TRIM41: variants seen among roughly 807,000 people sequenced by gnomAD.
The protein encoded by TRIM41 is E3 ubiquitin-protein ligase TRIM41.
Under a neutral mutation model 60.6 loss-of-function variants are expected in TRIM41, and 21 were observed. The observed-to-expected ratio is 0.35, with a 90% CI of 0.25 to 0.50. The LOEUF (loss-of-function observed/expected upper bound fraction) is 0.50, where lower values mean the gene tolerates loss of function less well. Among genes scored for constraint, TRIM41 ranks in the 20% least tolerant of loss-of-function variants. The pLI is 0.98. For missense variants in TRIM41, 846 were observed against 868.3 expected, an observed-to-expected ratio of 0.97 and a Z score of 0.32; for synonymous variants, 407 against 344.9, an observed-to-expected ratio of 1.18 and a Z score of -2.00.
chr5:181,224,062 C>T lies in TRIM41; in HGVS notation c.63C>T (p.Ala21=). 1.9e-6 allele frequency: 3 copies of T among 1,614,256 alleles called. No individual in the cohort carries two copies. Among genetic ancestry groups the T allele is most frequent in the Non-Finnish European group, 2.5e-6 (3 of 1,180,050 alleles). ...VQTLQEEAVC[A]ICLDYFTDPV... is the part of the protein sequence containing the mutation. The stretch of plus-strand genomic sequence containing the variant: ...CCCTTCAGGAGGAGGCGGTGTGCGC[C>T]ATCTGCCTCGATTACTTCACGGACC... Residue 21 remains alanine (A), a synonymous_variant, in exon 1 of 6, where the codon GCC becomes GCT. Coordinates refer to ENST00000315073, the MANE Select transcript of TRIM41 (RefSeq NM_033549.5).
rs1484676843 is a variant in TRIM41 at position 181,223,584 on chromosome 5, A to G, written c.-416A>G. ...CCTGTCGCCCTGGGGCCCCGCGGGG[A>G]AAAAGGGGGAGTAGCAGGACAGCGG... On this transcript the variant is annotated 5_prime_UTR_variant, in exon 1 of 6. Transcript: ENST00000315073. The G allele has an allele frequency of 1.1e-5, 5 of 440,670 alleles. No homozygotes were observed. Among genetic ancestry groups the G allele is most frequent in the Non-Finnish European group, 1.6e-5 (4 of 249,962 alleles). 27.3% of individuals were successfully genotyped at this position (440,670 alleles called of 1,614,324 possible).
intron 1 of TRIM41, chr5:181,225,267 C>G: frequency 4.9e-6 from 1 of 202,826 alleles, no homozygotes; most frequent in Non-Finnish European, 1.0e-5. Flanking sequence ...AGTGGGTTCC[C>G]CACCTACCAC....
At position 181,235,128 on chromosome 5, in the gene TRIM41, C is replaced by T; in HGVS notation, c.*353C>T. 6.4e-7 allele frequency: 1 copy of T among 1,573,436 alleles called. No individual in the cohort carries two copies. Among genetic ancestry groups the T allele is most frequent in the Non-Finnish European group, 8.6e-7 (1 of 1,159,966 alleles). The stretch of plus-strand genomic sequence containing the variant: ...ATTTCATTCCTTAACTTCCTTTTCC[C>T]CACCCCTGCTCTTCAACCTCTTTAT... On this transcript the variant is annotated 3_prime_UTR_variant, in exon 6 of 6. Coordinates refer to ENST00000315073, the MANE Select transcript of TRIM41 (RefSeq NM_033549.5).
chr5:181,231,397 C>T (rs1758796826), intron 2 of TRIM41: 1 of 152,644 alleles, frequency 6.6e-6, no homozygotes, highest in African/African-American at 2.4e-5. Context: ...ATTGCTCGCC[C>T]TTCTCCAAGG....
chr5:181,233,917 A>C lies in TRIM41; in HGVS notation c.1291+154A>C. The C allele has an allele frequency of 7.6e-7, 1 of 1,311,318 alleles. No individual in the cohort carries two copies. The highest frequency in any genetic ancestry group is 1.1e-6 in the Non-Finnish European group (1 of 941,710). 81.2% of individuals were successfully genotyped at this position (1,311,318 alleles called of 1,614,324 possible). On this transcript the variant is annotated intron_variant, in intron 5 of 5. Transcript: ENST00000315073. The surrounding 1 kb of genome is among the most constrained non-coding windows in gnomAD (Gnocchi z 4.1). ...GAGGTTGAGGTTTCAAGCCATGAGCAGGTAGACCTAGTGCAGGCAGGCCTG... is the reference window on the plus strand; with the variant it reads ...GAGGTTGAGGTTTCAAGCCATGAGCCGGTAGACCTAGTGCAGGCAGGCCTG...
rs1758408924 is a variant in TRIM41 at position 181,223,902 on chromosome 5, G to A, written c.-98G>A. On this transcript the variant is annotated 5_prime_UTR_variant, in exon 1 of 6. Coordinates refer to ENST00000315073, the MANE Select transcript of TRIM41 (RefSeq NM_033549.5). ...TCTTGGGGCGAGGTGTGGAGGGGCA[G>A]GGCTGGGGGTGGAGCCGGGTCGCCA... 2 of 1,306,328 alleles carry A rather than the reference G, an allele frequency of 1.5e-6. No individual in the cohort carries two copies. Among genetic ancestry groups the A allele is most frequent in the South Asian group, 1.4e-5 (1 of 73,380 alleles). The allele number at this position is 1,306,328 out of a possible 1,614,324, so 80.9% of individuals were successfully genotyped here. A position where few individuals can be genotyped will look rare whatever the true frequency, so the allele number is the denominator to read the frequency against.
At position 181,234,203 on chromosome 5, in the gene TRIM41, C is replaced by T. The variant is rs1758941997; in HGVS notation, c.1321C>T (p.His441Tyr). The change falls in exon 6 of 6, where the codon CAC becomes TAC. Residue 441 changes from histidine to tyrosine, a missense_variant. By Grantham distance (83) the His-to-Tyr change is moderately conservative. Transcript: ENST00000315073. The surrounding 1 kb of genome is among the most constrained non-coding windows in gnomAD (Gnocchi z 5.6). ...VDLTLDPDTA[H>Y]PALMLSPDRR... ...CCTGACGCTGGACCCTGACACGGCT[C>T]ACCCGGCCCTGATGCTGTCCCCTGA... 1 of 1,612,814 alleles carries T rather than the reference C, an allele frequency of 6.2e-7. No homozygotes were observed. The highest frequency in any genetic ancestry group is 1.7e-5 in the Admixed American group (1 of 60,030).
In TRIM41 at chr5:181,234,787, C is replaced by A. The variant is rs1758999284; in HGVS notation, c.*12C>A. 6.2e-7 allele frequency: 1 copy of A among 1,606,646 alleles called. No homozygotes were observed. The highest frequency in any genetic ancestry group is 8.5e-7 in the Non-Finnish European group (1 of 1,175,956). ...AGCTCTGCCCTTGATTATCCTGCCA[C>A]CCGCAGGGGCCCCTCTGTCAGCACT... On this transcript the variant is annotated 3_prime_UTR_variant, in exon 6 of 6. Transcript: ENST00000315073. The surrounding 1 kb of genome is among the most constrained non-coding windows in gnomAD (Gnocchi z 5.6).
chr5:181,225,536 A>C (rs978813083), intron 1 of TRIM41: 2 of 152,614 alleles, frequency 1.3e-5, no homozygotes, highest in African/African-American at 4.8e-5. Flanking sequence ...GACAACACTG[A>C]GTTTGATATG....
chr5:181,235,180 A>G lies in TRIM41; in HGVS notation c.*405A>G. The G allele has an allele frequency of 6.5e-7, 1 of 1,537,202 alleles. No individual in the cohort carries two copies. On this transcript the variant is annotated 3_prime_UTR_variant, in exon 6 of 6. Coordinates refer to ENST00000315073, the MANE Select transcript of TRIM41 (RefSeq NM_033549.5). ...AGTTCTGAGGCTGGAGGGTTTGGGC[A>G]AGGCAACATCCCCATTCCAATTCCA...
At chr5:181,230,721 C>G in intron 1 of TRIM41, 23 bp from the exon 2 acceptor site, 1 of 1,607,802 alleles carries the variant, frequency 6.2e-7, no homozygotes, top group Non-Finnish European at 8.5e-7. Context: ...CCAGCCCCCA[C>G]TTTTCTTTTT....
chr5:181,224,932 A>G, intron 1 of TRIM41, 120 bp downstream of exon 1: 1 of 1,375,402 alleles, frequency 7.3e-7, no homozygotes, highest in South Asian at 1.3e-5. Context: ...TGGTGAGCCA[A>G]GTTTGCTTAT....
At chr5:181,232,968 C>A in intron 3 of TRIM41, 79 bp downstream of exon 3, 3 of 1,402,050 alleles carry the variant, frequency 2.1e-6, no homozygotes, top group Non-Finnish European at 2.9e-6. Flanking sequence ...CTGTCCAGAG[C>A]TGCCTCTTTT....
chr5:181,224,677 C>T lies in TRIM41; in HGVS notation c.678C>T (p.Ile226=), dbSNP rs544856401. The change falls in exon 1 of 6, where the codon ATC becomes ATT. Residue 226 remains isoleucine (I), a synonymous_variant. Transcript: ENST00000315073. The part of the protein sequence containing the change: ...GRGSRVTDQG[I]CPKHQEALKL... Reference sequence around the variant, plus strand: ...GGAGCCGCGTGACCGATCAGGGCATCTGTCCCAAACACCAAGAAGCCCTGA... The same window carrying T: ...GGAGCCGCGTGACCGATCAGGGCATTTGTCCCAAACACCAAGAAGCCCTGA... 1 of 1,614,248 alleles carries T rather than the reference C, an allele frequency of 6.2e-7. No individual in the cohort carries two copies.
rs1392481408 is a variant in TRIM41 at position 181,223,785 on chromosome 5, CTGT to C, written c.-214_-212del. 4.9e-5 allele frequency: 30 copies of C among 615,348 alleles called. No homozygotes were observed. The Middle Eastern group carries it at 1.3e-3, about 27-fold the overall frequency. 38.1% of individuals were successfully genotyped at this position (615,348 alleles called of 1,614,324 possible). On this transcript the variant is annotated 5_prime_UTR_variant, in exon 1 of 6. Coordinates refer to ENST00000315073, the MANE Select transcript of TRIM41 (RefSeq NM_033549.5). Reference sequence around the variant, plus strand: ...AGGGACTTGGCGGTGGCGCCCAGCACTGTCCCCTCCCCTCGTAGAGACACGGTT... The same window carrying C: ...AGGGACTTGGCGGTGGCGCCCAGCACCCCCTCCCCTCGTAGAGACACGGTT...
Position 181,234,946 on chromosome 5 carries a change from C to T in TRIM41, c.*171C>T, listed in dbSNP as rs1476586250. The T allele has an allele frequency of 4.3e-6, 7 of 1,613,908 alleles. No homozygotes were observed. The highest frequency in any genetic ancestry group is 1.6e-4 in the Middle Eastern group (1 of 6,084). On this transcript the variant is annotated 3_prime_UTR_variant, in exon 6 of 6. Transcript: ENST00000315073. This position sits in a 1 kb window ranked among gnomAD's most constrained non-coding sequence, Gnocchi z 5.6. ...TCTCCCTCTAGGAGCCTAAAGAACC[C>T]TCCTGGCCTCCAGCTCAGCCTTCTC...
chr5:181,224,605 C>T lies in TRIM41; in HGVS notation c.606C>T (p.Ala202=), dbSNP rs1320026353. 6.8e-6 allele frequency: 11 copies of T among 1,614,204 alleles called. No individual in the cohort carries two copies. Among genetic ancestry groups the T allele is most frequent in the Non-Finnish European group, 9.3e-6 (11 of 1,180,038 alleles). ...RRSFRPNLQL[A]NMVQVIRQMH... ...GCTTCCGCCCCAACCTGCAGCTGGC[C>T]AATATGGTCCAGGTGATTCGGCAGA... is the stretch of plus-strand genomic sequence containing the variant. Residue 202 remains alanine, a synonymous_variant, in exon 1 of 6, where the codon GCC becomes GCT. Transcript: ENST00000315073.
At position 181,223,667 on chromosome 5, in the gene TRIM41, G is replaced by A. The variant is rs376643561; in HGVS notation, c.-333G>A. 220 of 481,740 alleles carry A rather than the reference G, an allele frequency of 4.6e-4. No individual in the cohort carries two copies. Among genetic ancestry groups the A allele is most frequent in the African/African-American group, 3.8e-3 (200 of 52,264 alleles). The allele number at this position is 481,740 out of a possible 1,614,324, so 29.8% of individuals were successfully genotyped here. On this transcript the variant is annotated 5_prime_UTR_variant, in exon 1 of 6. Coordinates refer to ENST00000315073, the MANE Select transcript of TRIM41 (RefSeq NM_033549.5). ...GCCGGAAGTGTTGGGAAGGAGGCCG[G>A]AAGCTAGGGGCGGGGCCAGGAAGTG...
In TRIM41 at chr5:181,233,361, A is replaced by C; in HGVS notation, c.1141-52A>C. The C allele has an allele frequency of 1.2e-5, 19 of 1,557,502 alleles. No homozygotes were observed. The highest frequency in any genetic ancestry group is 1.6e-5 in the Non-Finnish European group (18 of 1,130,386). On this transcript the variant is annotated intron_variant, in intron 3 of 5. Transcript: ENST00000315073. This position sits in a 1 kb window ranked among gnomAD's most constrained non-coding sequence, Gnocchi z 4.1. ...GGAACGCTGTCCCTGTGCAGCTGAC[A>C]CTCTCTTTATCTCTTTCTCCCTCTC... is the stretch of plus-strand genomic sequence containing the variant.
Sources: gnomAD v4.1 joint callset for allele counts on GRCh38, gnomAD v4.1.1 for gene constraint, Gnocchi (gnomAD v3.1) non-coding constraint, MANE v1.5 for transcripts, NCBI Gene and HGNC (gene_info 2026-07-23, HGNC 2026-07-21) for gene names.